The following GARNL3 variants were observed in gnomAD, a reference collection of about 807,000 sequenced individuals.
GARNL3 encodes GTPase activating Rap/RanGAP domain like 3.
In GARNL3, 63 loss-of-function variants were observed where a neutral mutation model predicts 125.0. The observed-to-expected ratio is 0.50, with a 90% CI of 0.41 to 0.62. The LOEUF (loss-of-function observed/expected upper bound fraction) is 0.62. Among genes scored for constraint, GARNL3 ranks in the 20% least tolerant of loss-of-function variants. The probability of loss-of-function intolerance (pLI) is 0.00; values close to 1 mark genes in which losing one functional copy is unlikely to be tolerated. For synonymous variants in GARNL3, 439 were observed against 457.5 expected, an observed-to-expected ratio of 0.96 and a Z score of 0.52; for missense variants, 994 against 1,244.0, an observed-to-expected ratio of 0.80 and a Z score of 3.02.
intron 26 of GARNL3, 71 bp downstream of exon 26, chr9:127,389,190 G>A (rs1282470761): frequency 1.8e-6 from 2 of 1,121,880 alleles, no homozygotes; most frequent in African/African-American, 1.5e-5. Flanking sequence ...GATATGAATT[G>A]TCCTCAGAAA....
intron 2 of GARNL3, among the ~76,000 whole-genome samples, chr9:127,311,334 G>A (rs112823054): frequency 7.6e-4 from 115 of 152,176 alleles, no homozygotes; most frequent in African/African-American, 2.7e-3. Flanking sequence ...CCTCTAGGGG[G>A]CACCAACTCC....
chr9:127,330,026 G>A (rs1829134385), intron 7 of GARNL3, among the ~76,000 whole-genome samples: 1 of 152,156 alleles, frequency 6.6e-6, no homozygotes, highest in South Asian at 2.1e-4. Flanking sequence ...GGGGGCCCTA[G>A]GCCAGCAGTA....
chr9:127,340,368 C>G (rs758744044), intron 13 of GARNL3, among the ~76,000 whole-genome samples: 14 of 152,134 alleles, frequency 9.2e-5, no homozygotes, highest in Non-Finnish European at 2.1e-4. Flanking sequence ...CAGGGCACCC[C>G]TGGGAATTAT....
intron 22 of GARNL3, chr9:127,368,930 C>T (rs533283304): frequency 1.2e-5 from 1 of 80,540 alleles, no homozygotes; most frequent in Non-Finnish European, 3.4e-5. Context: ...GCAAGACTGT[C>T]AAAACAAAAC....
chr9:127,360,089 C>T (rs529205092), intron 21 of GARNL3, among the ~76,000 whole-genome samples: 18 of 152,198 alleles, frequency 1.2e-4, no homozygotes, highest in Middle Eastern at 3.4e-3. Flanking sequence ...GGCGCAATCT[C>T]GGCTCACTGC....
At position 127,353,879 on chromosome 9, in the gene GARNL3, C is replaced by G. The variant is rs780825532; in HGVS notation, c.1577C>G (p.Thr526Ser). The change falls in exon 18 of 28, where the codon ACT becomes AGT. Residue 526 changes from threonine (T) to serine (S), a missense_variant. Coordinates refer to ENST00000373387, the MANE Select transcript of GARNL3 (RefSeq NM_032293.5). ...DLPSVPVFDR[T>S]LPVKQMHVLE... The stretch of plus-strand genomic sequence containing the variant: ...CCATCAGTGCCCGTGTTTGACAGAA[C>G]TCTGCCAGTGAAGCAAATGCATGTG... 79 of 1,613,758 alleles carry G rather than the reference C, an allele frequency of 4.9e-5. No homozygotes were observed. The highest frequency in any genetic ancestry group is 6.6e-5 in the Non-Finnish European group (78 of 1,179,774).
At chr9:127,273,556 C>T (rs2063876284) in intron 1 of GARNL3, among the ~76,000 whole-genome samples, 2 of 152,218 alleles carry the variant, frequency 1.3e-5, no homozygotes, top group African/African-American at 4.8e-5. Context: ...AAGTTAGCTA[C>T]AAACACTTGG....
chr9:127,260,440 C>T (rs2063566501), upstream of GARNL3, among the ~76,000 whole-genome samples: 1 of 152,228 alleles, frequency 6.6e-6, no homozygotes, highest in Non-Finnish European at 1.5e-5. Context: ...GTCTGAGGAA[C>T]ATGTCCTCTG....
intron 1 of GARNL3, among the ~76,000 whole-genome samples, chr9:127,271,963 A>G (rs1011855672): frequency 6.7e-6 from 1 of 150,350 alleles, no homozygotes; most frequent in African/African-American, 2.5e-5. Context: ...GTGCTTCTCT[A>G]TACAGATAGC....
At chr9:127,328,949 C>G (rs1829051212) in intron 7 of GARNL3, among the ~76,000 whole-genome samples, 2 of 152,194 alleles carry the variant, frequency 1.3e-5, no homozygotes, top group Non-Finnish European at 2.9e-5. Flanking sequence ...AAACCAGTAC[C>G]TGTGAATTCC....
intron 1 of GARNL3, among the ~76,000 whole-genome samples, chr9:127,271,023 C>T (rs368817463): frequency 1.3e-5 from 2 of 150,132 alleles, no homozygotes; most frequent in East Asian, 3.9e-4. Context: ...ATAAACCTGG[C>T]TTTTGAGGCC....
intron 11 of GARNL3, among the ~76,000 whole-genome samples, chr9:127,337,712 T>G (rs936971336): frequency 2.6e-5 from 4 of 152,222 alleles, no homozygotes; most frequent in African/African-American, 9.7e-5. Flanking sequence ...GCGGAAACAT[T>G]TAAATTGCTT....
At chr9:127,380,080 G>A (rs1293195379) in intron 22 of GARNL3, among the ~76,000 whole-genome samples, 2 of 152,172 alleles carry the variant, frequency 1.3e-5, no homozygotes, top group African/African-American at 2.4e-5. Flanking sequence ...TCGGGAGGCT[G>A]AGGCAGGAGA....
At position 127,390,722 on chromosome 9, in the gene GARNL3, A is replaced by T; in HGVS notation, c.2825A>T (p.Gln942Leu). The change falls in exon 27 of 28, where the codon CAA (glutamine) becomes CTA (leucine). Residue 942 changes from glutamine to leucine, a missense_variant. By Grantham distance (113) the Gln-to-Leu change is moderately radical. Around this residue, in one of 5 missense-constraint regions of GARNL3, gnomAD observed 728 missense variants for 865.7 expected, o/e 0.84. Transcript: ENST00000373387. Reference protein sequence around the residue: ...SKPRKRLEESQGGPKPGAVRS... With the variant: ...SKPRKRLEESLGGPKPGAVRS... ...CCCCGGAAGCGGTTAGAAGAAAGCC[A>T]AGGAGGCCCCAAGCCAGGGGCAGTG... is the stretch of plus-strand genomic sequence containing the variant. The T allele has an allele frequency of 6.2e-7, 1 of 1,613,960 alleles. No individual in the cohort carries two copies. The highest frequency in any genetic ancestry group is 8.5e-7 in the Non-Finnish European group (1 of 1,179,858).
At position 127,289,488 on chromosome 9, in the gene GARNL3, G is replaced by A. The variant is rs571352675; in HGVS notation, c.145-1680G>A. On this transcript the variant is annotated intron_variant, in intron 1 of 27. Transcript: ENST00000373387. ...GTAGACAGCATTAACTCCTCCTGGC[G>A]ATGATGTGTGACAACATCAGCACCG... Among the ~76,000 whole-genome samples the A allele has an allele frequency of 5.7e-4, 87 of 152,326 alleles. 1 individual carries two copies. The highest frequency in any genetic ancestry group is 1.0e-3 in the Non-Finnish European group (71 of 68,036).
At chr9:127,233,737 A>G (rs1411159916) in intron 1 of GARNL3, among the ~76,000 whole-genome samples, 1 of 152,224 alleles carries the variant, frequency 6.6e-6, no homozygotes, top group Non-Finnish European at 1.5e-5. Flanking sequence ...CATAGAACCC[A>G]CGCCTTGTGA....
At chr9:127,388,689 A>G (rs2131837940) in intron 25 of GARNL3, 1 of 578,658 alleles carries the variant, frequency 1.7e-6, no homozygotes, top group Non-Finnish European at 3.1e-6. Context: ...AGTGCATTTT[A>G]CCTAATTTAC....
chr9:127,342,505 A>G (rs182999373), intron 14 of GARNL3, among the ~76,000 whole-genome samples, 171 bp downstream of exon 14: 10 of 152,306 alleles, frequency 6.6e-5, no homozygotes, highest in African/African-American at 1.9e-4. Flanking sequence ...TTGTGACACA[A>G]GAAGGAAGGA....
At chr9:127,388,873 T>C (rs1388883349) in intron 25 of GARNL3, 31 bp from the exon 26 acceptor site, 1 of 1,285,674 alleles carries the variant, frequency 7.8e-7, no homozygotes, top group Non-Finnish European at 1.1e-6. Context: ...TTTCTTAAAG[T>C]TCTGATGTTC....
Sources: gnomAD v4.1 joint callset for allele counts (sites outside exome capture counted in the v4.1 genomes callset) on GRCh38, gnomAD v4.1.1 for gene constraint, gnomAD v4.1.1 regional missense constraint, MANE v1.5 for transcripts, NCBI Gene and HGNC (gene_info 2026-07-23, HGNC 2026-07-21) for gene names.